Variants in GCSAML observed in about 807,000 individuals in gnomAD.
The protein encoded by GCSAML is germinal center-associated signaling and motility-like protein.
Under a neutral mutation model 13.0 loss-of-function variants are expected in GCSAML, and 9 were observed. That is an observed-to-expected ratio of 0.69 (90% CI 0.42 to 1.21). The LOEUF (loss-of-function observed/expected upper bound fraction) is 1.21. Ranked by LOEUF, GCSAML falls within the 50% of genes most tolerant of loss-of-function variation. GCSAML has a pLI of 0.00. For synonymous variants in GCSAML, 37 were observed against 52.9 expected (o/e 0.70, Z 1.31); for missense variants, 143 against 153.4 (o/e 0.93, Z 0.36).
At chr1:247,521,871 C>T (rs373897629) in intron 1 of GCSAML, among the ~76,000 whole-genome samples, 24,751 of 151,530 alleles carry the variant, frequency 0.16, 2,080 homozygotes, top group Admixed American at 0.19. Flanking sequence ...CCCCTCTGCC[C>T]GGCTGCCCAG....
upstream of GCSAML, among the ~76,000 whole-genome samples, chr1:247,544,403 C>T (rs112463761): frequency 2.6e-5 from 4 of 152,142 alleles, no homozygotes; most frequent in Admixed American, 6.5e-5. Context: ...GGCAGCTGCA[C>T]GTAGGGAAAC....
intron 1 of GCSAML, among the ~76,000 whole-genome samples, chr1:247,513,644 C>A (rs961378408): frequency 6.6e-6 from 1 of 152,216 alleles, no homozygotes; most frequent in Non-Finnish European, 1.5e-5. Flanking sequence ...GGCATAGGCA[C>A]CTGAGGGAAT....
chr1:247,532,144 C>G, intron 2 of GCSAML: 2 of 1,614,006 alleles, frequency 1.2e-6, no homozygotes, highest in Non-Finnish European at 1.7e-6. Flanking sequence ...GGCAGCGTAG[C>G]GGTCATAGGA....
chr1:247,541,433 G>A (rs921685554), intron 2 of GCSAML, among the ~76,000 whole-genome samples: 2 of 152,038 alleles, frequency 1.3e-5, no homozygotes, highest in Non-Finnish European at 2.9e-5. Context: ...TTTTCCGCAC[G>A]GTCTCATCAT....
At chr1:247,543,942 C>A (rs759029730) in intron 2 of GCSAML, among the ~76,000 whole-genome samples, 1 of 152,088 alleles carries the variant, frequency 6.6e-6, no homozygotes, top group African/African-American at 2.4e-5. Flanking sequence ...TACAAGTGTG[C>A]GTCACCCTGG....
chr1:247,551,173 A>AAAGG (rs778317820), intron 1 of GCSAML, among the ~76,000 whole-genome samples: 3 of 152,180 alleles, frequency 2.0e-5, no homozygotes, highest in Non-Finnish European at 4.4e-5. Flanking sequence ...TGTAGAAATA[A>AAAGG]AAGGAAGGAA....
intron 2 of GCSAML, among the ~76,000 whole-genome samples, chr1:247,541,990 A>G (rs1204756245): frequency 2.0e-5 from 3 of 151,490 alleles, no homozygotes; most frequent in Non-Finnish European, 2.9e-5. Context: ...AGCCTGGGCA[A>G]CAGAGTGAGA....
intron 2 of GCSAML, among the ~76,000 whole-genome samples, chr1:247,540,599 T>C (rs1350827629): frequency 6.6e-6 from 1 of 152,212 alleles, no homozygotes; most frequent in Non-Finnish European, 1.5e-5. Flanking sequence ...TTTCCGAGCA[T>C]GGGCACGAAG....
intron 4 of GCSAML, among the ~76,000 whole-genome samples, chr1:247,571,296 A>T (rs1292688273): frequency 6.6e-6 from 1 of 152,110 alleles, no homozygotes; most frequent in Non-Finnish European, 1.5e-5. Flanking sequence ...TCATAGTGTC[A>T]ATGGACTTTA....
intron 4 of GCSAML, among the ~76,000 whole-genome samples, chr1:247,572,988 C>T (rs1668680507): frequency 6.6e-6 from 1 of 152,206 alleles, no homozygotes; most frequent in Non-Finnish European, 1.5e-5. Flanking sequence ...AAACTGCCTA[C>T]TCAAGCCTCA....
At chr1:247,516,794 A>G (rs2103303866) in intron 1 of GCSAML, among the ~76,000 whole-genome samples, 1 of 152,342 alleles carries the variant, frequency 6.6e-6, no homozygotes, top group Admixed American at 6.5e-5. Flanking sequence ...AAAAGGAGTG[A>G]TAGTAGAAAA....
At chr1:247,546,422 G>C (rs967390507), upstream of GCSAML, among the ~76,000 whole-genome samples, 1 of 152,004 alleles carries the variant, frequency 6.6e-6, no homozygotes, top group East Asian at 1.9e-4. Context: ...GCAGTGGCGC[G>C]ATCTCGGCTC....
At chr1:247,549,345 A>G in intron 1 of GCSAML, 125 bp downstream of exon 1, 1 of 756,410 alleles carries the variant, frequency 1.3e-6, no homozygotes, top group Non-Finnish European at 2.2e-6. Context: ...TGAAGACAGC[A>G]TCCTCTAGGA....
intron 1 of GCSAML, chr1:247,519,050 A>G (rs1666325487): frequency 6.6e-6 from 1 of 152,252 alleles, no homozygotes; most frequent in East Asian, 1.9e-4. Flanking sequence ...ACAGAGCAAG[A>G]CTCAGTCTCA....
chr1:247,558,493 A>G (rs1266699969), intron 2 of GCSAML, among the ~76,000 whole-genome samples: 1 of 152,164 alleles, frequency 6.6e-6, no homozygotes, highest in African/African-American at 2.4e-5. Context: ...TGTAGTCACC[A>G]CAATCAAGAT....
At chr1:247,520,362 A>C (rs1288939783) in intron 1 of GCSAML, among the ~76,000 whole-genome samples, 1 of 152,208 alleles carries the variant, frequency 6.6e-6, no homozygotes. Flanking sequence ...CTTAAGAGAA[A>C]ACAGACTCAG....
chr1:247,519,136 C>G (rs1297517452), intron 1 of GCSAML: 2 of 152,288 alleles, frequency 1.3e-5, no homozygotes, highest in Non-Finnish European at 2.9e-5. Flanking sequence ...AAGGCGTTCT[C>G]TCTTTCAGGG....
At chr1:247,517,319 G>C (rs538498411) in intron 1 of GCSAML, among the ~76,000 whole-genome samples, 1 of 152,282 alleles carries the variant, frequency 6.6e-6, no homozygotes, top group South Asian at 2.1e-4. Flanking sequence ...TAGGTGTCTT[G>C]TCTCTTTCCT....
chr1:247,510,873 G>T (rs1430791997), intron 1 of GCSAML, among the ~76,000 whole-genome samples: 1 of 152,098 alleles, frequency 6.6e-6, no homozygotes, highest in African/African-American at 2.4e-5. Context: ...TGTTTGTTAT[G>T]ATTTCTGTTC....
Sources: gnomAD v4.1 joint callset for allele counts (sites outside exome capture counted in the v4.1 genomes callset) on GRCh38, gnomAD v4.1.1 for gene constraint, MANE v1.5 for transcripts, NCBI Gene and HGNC (gene_info 2026-07-23, HGNC 2026-07-21) for gene names.